Variants in STAM2 observed in about 807,000 individuals in gnomAD.
STAM2 encodes the protein signal transducing adaptor molecule 2.
A neutral mutation model predicts 65.6 loss-of-function variants in STAM2; 51 were observed. The ratio of observed to expected loss-of-function variants is 0.78; its 90% confidence interval spans 0.62 to 0.98. The LOEUF is 0.98. STAM2 is among the 50% of genes least tolerant of loss of function. The pLI, the probability that STAM2 is intolerant of heterozygous loss-of-function variation, is 0.00. For missense variants in STAM2, 584 were observed against 617.8 expected (o/e 0.95, Z 0.58); for synonymous variants, 198 against 208.4 (o/e 0.95, Z 0.43).
intron 12 of STAM2, chr2:152,124,422 C>T (rs1480257159): frequency 6.5e-6 from 1 of 152,848 alleles, no homozygotes; most frequent in African/African-American, 2.4e-5. Context: ...GCCAGGGCTT[C>T]CCTGGCAATG....
Position 152,153,397 on chromosome 2 carries a change from A to G in STAM2, c.41-3168T>C, listed in dbSNP as rs16830762. Among the ~76,000 whole-genome samples, 958 of 152,168 alleles carry G rather than the reference A, an allele frequency of 6.3e-3. 10 individuals are homozygous for G. Among genetic ancestry groups the G allele is most frequent in the African/African-American group, 0.022 (907 of 41,518 alleles). On this transcript the variant is annotated intron_variant, in intron 1 of 13. Coordinates refer to ENST00000263904, the MANE Select transcript of STAM2 (RefSeq NM_005843.6). The stretch of plus-strand genomic sequence containing the variant: ...TTTTTTTTTTTTAATAGCAAGGAAT[A>G]ATCAAAAGAAGCCAAAAAATGAACA...
In STAM2 at chr2:152,120,787, A is replaced by C. The variant is rs753961165; in HGVS notation, c.1365T>G (p.Thr455=). ...GGTTCATATAAGTAGGATTGGAAACAGTGTCTTGTCCAGTGCTACAAACAA... is the reference window on the plus strand; with the variant it reads ...GGTTCATATAAGTAGGATTGGAAACCGTGTCTTGTCCAGTGCTACAAACAA... ...QTSYLSTGQD[T]VSNPTYMNQN... The change falls in exon 14 of 14, where the codon ACT becomes ACG. Residue 455 remains threonine, a synonymous_variant. Coordinates refer to ENST00000263904, the MANE Select transcript of STAM2 (RefSeq NM_005843.6). The C allele has an allele frequency of 1.4e-5, 23 of 1,614,154 alleles. No homozygotes were observed. Among genetic ancestry groups the C allele is most frequent in the Non-Finnish European group, 1.9e-5 (22 of 1,179,996 alleles).
In STAM2 at chr2:152,144,904, A is replaced by G. The variant is rs756810599; in HGVS notation, c.501T>C (p.Asp167=). ...NGTSSNKNKE[D]EDIAKAIELS... is the part of the protein sequence containing the mutation. ...ATCATTTACCTTTAGCTATGTCTTC[A>G]TCCTCTTTGTTTTTGTTCGATGACG... is the stretch of plus-strand genomic sequence containing the variant. The change falls in exon 6 of 14, where the codon GAT becomes GAC. Residue 167 remains aspartate (D), a synonymous_variant. Transcript: ENST00000263904. 9.9e-6 allele frequency: 16 copies of G among 1,613,736 alleles called. No individual in the cohort carries two copies. The African/African-American group carries it at 1.7e-4, about 18-fold the overall frequency.
At position 152,135,531 on chromosome 2, in the gene STAM2, A is replaced by G; in HGVS notation, c.777T>C (p.Asn259=). 6.2e-7 allele frequency: 1 copy of G among 1,611,750 alleles called. No individual in the cohort carries two copies. Among genetic ancestry groups the G allele is most frequent in the African/African-American group, 1.3e-5 (1 of 74,974 alleles). The change falls in exon 8 of 14, where the codon AAT becomes AAC. Residue 259 remains asparagine (N), a synonymous_variant. Coordinates refer to ENST00000263904, the MANE Select transcript of STAM2 (RefSeq NM_005843.6). ...GLFPSNFVTT[N]LNIETEAAAV... ...TACCTGCCTCAGTCTCTATGTTTAA[A>G]TTAGTTGTTACAAAATTGGATGGGA...
intron 1 of STAM2, among the ~76,000 whole-genome samples, chr2:152,172,576 G>T (rs945488388): frequency 1.3e-5 from 2 of 152,014 alleles, no homozygotes; most frequent in Admixed American, 6.6e-5. Flanking sequence ...TATCAGAGAA[G>T]GGGGGGAGGA....
rs114260550 is a variant in STAM2, at chr2:152,150,917, G to A, written c.41-688C>T. ...TAAGGGGTCTCACTATGTTGCCCAG[G>A]CTGGTCTTGAACTCCTGGGCTCATG... On this transcript the variant is annotated intron_variant, in intron 1 of 13. Coordinates refer to ENST00000263904, the MANE Select transcript of STAM2 (RefSeq NM_005843.6). 7.5e-3 allele frequency among the ~76,000 whole-genome samples: 1,145 copies of A among 152,202 alleles called. 6 individuals are homozygous for A. The highest frequency in any genetic ancestry group is 0.013 in the Non-Finnish European group (904 of 67,992).
intron 13 of STAM2, among the ~76,000 whole-genome samples, chr2:152,123,355 G>C (rs12615121): frequency 0.14 from 21,996 of 152,104 alleles, 2,422 homozygotes; most frequent in East Asian, 0.58. Flanking sequence ...CTGGGTGACA[G>C]AGGGAGACTC....
At chr2:152,122,775 G>A (rs1688880741) in intron 13 of STAM2, among the ~76,000 whole-genome samples, 1 of 151,978 alleles carries the variant, frequency 6.6e-6, no homozygotes, top group Non-Finnish European at 1.5e-5. Context: ...TTTAAAAAAA[G>A]AACTATAGGG....
chr2:152,143,453 T>C (rs967411570), intron 7 of STAM2, among the ~76,000 whole-genome samples: 1 of 152,200 alleles, frequency 6.6e-6, no homozygotes, highest in African/African-American at 2.4e-5. Flanking sequence ...AGTATAGCTT[T>C]TGGTGCTCTG....
In STAM2 at chr2:152,126,245, G is replaced by A; in HGVS notation, c.1160C>T (p.Ser387Leu). ...GCTCACCTGCATTGGAACCCCAGAT[G>A]ATGCAGGTGGGTAATGTGCTGGAGG... is the stretch of plus-strand genomic sequence containing the variant. ...LHPPAHYPPA[S>L]SGVPMQTYPV... is the part of the protein sequence containing the mutation. The change falls in exon 12 of 14, where the codon TCA (serine) becomes TTA (leucine). Residue 387 changes from serine (S) to leucine (L), a missense_variant. By Grantham distance (145) the Ser-to-Leu change is moderately radical. Transcript: ENST00000263904. 6.3e-7 allele frequency: 1 copy of A among 1,594,042 alleles called. No individual in the cohort carries two copies. The highest frequency in any genetic ancestry group is 8.5e-7 in the Non-Finnish European group (1 of 1,171,262).
At chr2:152,124,079 C>G (rs1199448324) in intron 12 of STAM2, 144 bp from the exon 13 acceptor site, 2 of 669,138 alleles carry the variant, frequency 3.0e-6, no homozygotes, top group Non-Finnish European at 4.9e-6. Context: ...CATCTTAGAA[C>G]TAAAAGTGGA....
At chr2:152,152,402 A>G (rs1194814278) in intron 1 of STAM2, among the ~76,000 whole-genome samples, 1 of 151,966 alleles carries the variant, frequency 6.6e-6, no homozygotes, top group African/African-American at 2.4e-5. Flanking sequence ...ACAAAAAATT[A>G]CCCGGGTGTG....
intron 4 of STAM2, 61 bp downstream of exon 4, chr2:152,147,963 A>G: frequency 1.6e-6 from 2 of 1,247,118 alleles, no homozygotes; most frequent in Non-Finnish European, 1.2e-6. Flanking sequence ...ACATATAGTT[A>G]TAATGACACA....
intron 7 of STAM2, among the ~76,000 whole-genome samples, chr2:152,136,892 CTT>C (rs746931542): frequency 1.3e-4 from 17 of 130,106 alleles, no homozygotes; most frequent in Non-Finnish European, 1.3e-4. Flanking sequence ...AAACATTTTT[CTT>C]TTTTTTTTTT....
At chr2:152,161,508 A>G (rs1052895518) in intron 1 of STAM2, among the ~76,000 whole-genome samples, 1 of 151,572 alleles carries the variant, frequency 6.6e-6, no homozygotes, top group East Asian at 1.9e-4. Flanking sequence ...AAAAAAAAAA[A>G]AAAAAAAACA....
intron 1 of STAM2, among the ~76,000 whole-genome samples, chr2:152,162,590 A>G (rs1335382397): frequency 6.6e-6 from 1 of 152,180 alleles, no homozygotes; most frequent in Non-Finnish European, 1.5e-5. Flanking sequence ...TATAAAATAA[A>G]TAAATAAAAA....
At chr2:152,168,040 G>A (rs981090293) in intron 1 of STAM2, among the ~76,000 whole-genome samples, 1 of 152,140 alleles carries the variant, frequency 6.6e-6, no homozygotes, top group Admixed American at 6.6e-5. Flanking sequence ...AAAATAACAA[G>A]AGATAAAGAA....
At chr2:152,172,534 C>G (rs1689913763) in intron 1 of STAM2, among the ~76,000 whole-genome samples, 2 of 151,998 alleles carry the variant, frequency 1.3e-5, no homozygotes, top group Admixed American at 6.6e-5. Context: ...CATACATTAG[C>G]AAAAGGTGGT....
intron 2 of STAM2, among the ~76,000 whole-genome samples, chr2:152,148,778 C>A (rs1195145882): frequency 1.3e-5 from 2 of 150,828 alleles, no homozygotes; most frequent in Non-Finnish European, 3.0e-5. Flanking sequence ...GCTCATAGAA[C>A]TTTAAAAAAA....
Sources: allele counts gnomAD v4.1 joint callset (sites outside exome capture counted in the v4.1 genomes callset), GRCh38; gene constraint gnomAD v4.1.1; transcripts MANE v1.5; gene names NCBI Gene and HGNC (gene_info 2026-07-23, HGNC 2026-07-21).